The following JAZF1 variants were observed in gnomAD, a reference collection of about 807,000 sequenced individuals.
JAZF1 encodes JAZF zinc finger 1, also known as juxtaposed with another zinc finger protein 1.
Under a neutral mutation model 26.4 loss-of-function variants are expected in JAZF1, and 8 were observed. That is an observed-to-expected ratio of 0.30 (90% CI 0.18 to 0.55). JAZF1 has a LOEUF of 0.55. Among genes scored for constraint, JAZF1 ranks in the 20% least tolerant of loss-of-function variants. JAZF1 has a pLI of 0.94. For synonymous variants in JAZF1, 126 were observed against 122.3 expected (o/e 1.03, Z -0.20); for missense variants, 199 against 322.0 (o/e 0.62, Z 2.92).
At chr7:28,017,259 G>A (rs1782910377) in intron 1 of JAZF1, among the ~76,000 whole-genome samples, 1 of 150,826 alleles carries the variant, frequency 6.6e-6, no homozygotes, top group Non-Finnish European at 1.5e-5. Flanking sequence ...GCTAAGGCAG[G>A]AGAATTGCTT....
At chr7:27,971,143 T>C (rs1328876431) in intron 2 of JAZF1, among the ~76,000 whole-genome samples, 3 of 152,230 alleles carry the variant, frequency 2.0e-5, no homozygotes, top group Admixed American at 2.0e-4. Context: ...TTATTTTTGG[T>C]ATTTCAAGGA....
chr7:27,987,961 T>C (rs1785766793), intron 2 of JAZF1, among the ~76,000 whole-genome samples: 1 of 152,188 alleles, frequency 6.6e-6, no homozygotes, highest in African/African-American at 2.4e-5. Flanking sequence ...GTGCAAGATG[T>C]GCTTTGTTAA....
chr7:27,909,002 T>TATTCATTCATTCATTC (rs71555720), intron 2 of JAZF1, among the ~76,000 whole-genome samples: 3,307 of 151,140 alleles, frequency 0.022, 73 homozygotes, highest in African/African-American at 0.052. Context: ...ACTTGAATAA[T>TATTCATTCATTCATTC]ATTCATTCAT....
At chr7:28,124,921 T>G (rs908581287) in intron 1 of JAZF1, among the ~76,000 whole-genome samples, 1 of 152,158 alleles carries the variant, frequency 6.6e-6, no homozygotes, top group East Asian at 1.9e-4. Flanking sequence ...AAATATACTT[T>G]CTCTTTATAA....
chr7:28,042,387 T>TG (rs910812452), intron 1 of JAZF1, among the ~76,000 whole-genome samples: 9 of 152,012 alleles, frequency 5.9e-5, no homozygotes, highest in African/African-American at 2.2e-4. Context: ...GAGGGGGAGC[T>TG]GGGGGGAGTT....
At chr7:28,037,236 C>T (rs1783309983) in intron 1 of JAZF1, among the ~76,000 whole-genome samples, 1 of 152,186 alleles carries the variant, frequency 6.6e-6, no homozygotes, top group African/African-American at 2.4e-5. Flanking sequence ...GATACAGAAG[C>T]AGAGGAATTT....
chr7:27,862,915 C>T (rs1393200340), intron 3 of JAZF1, among the ~76,000 whole-genome samples: 1 of 152,196 alleles, frequency 6.6e-6, no homozygotes, highest in Non-Finnish European at 1.5e-5. Context: ...ATTACTCCTG[C>T]CCTAAGACAT....
intron 1 of JAZF1, among the ~76,000 whole-genome samples, chr7:28,006,009 C>G (rs1020124348): frequency 2.6e-5 from 4 of 152,082 alleles, no homozygotes; most frequent in Non-Finnish European, 4.4e-5. Flanking sequence ...ACTCATGGCT[C>G]CTACACATGA....
chr7:27,902,185 A>G (rs1784174055), intron 2 of JAZF1, among the ~76,000 whole-genome samples: 1 of 152,236 alleles, frequency 6.6e-6, no homozygotes, highest in Non-Finnish European at 1.5e-5. Flanking sequence ...GCTGCCCCAG[A>G]CCCTAATGGG....
At chr7:28,144,281 A>C (rs1782995498) in intron 1 of JAZF1, among the ~76,000 whole-genome samples, 1 of 152,248 alleles carries the variant, frequency 6.6e-6, no homozygotes, top group African/African-American at 2.4e-5. Context: ...GATCTCCAAA[A>C]GGTTGACATA....
intron 2 of JAZF1, among the ~76,000 whole-genome samples, chr7:27,927,886 AT>A (rs1282437690): frequency 6.6e-6 from 1 of 152,156 alleles, no homozygotes; most frequent in East Asian, 1.9e-4. Context: ...CCCCAAATCA[AT>A]TTTCAGGAAC....
At chr7:28,024,299 A>G (rs977174283) in intron 1 of JAZF1, among the ~76,000 whole-genome samples, 10 of 151,500 alleles carry the variant, frequency 6.6e-5, no homozygotes, top group African/African-American at 2.4e-4. Context: ...TGTCACAAAA[A>G]GAAAAACAAA....
At chr7:28,070,162 G>A (rs1226246924) in intron 1 of JAZF1, among the ~76,000 whole-genome samples, 3 of 152,100 alleles carry the variant, frequency 2.0e-5, no homozygotes, top group African/African-American at 7.2e-5. Context: ...TTATTTTCAA[G>A]CAATTAAAAC....
intron 3 of JAZF1, among the ~76,000 whole-genome samples, chr7:27,871,065 C>T (rs182919123): frequency 2.0e-5 from 3 of 152,206 alleles, no homozygotes; most frequent in African/African-American, 4.8e-5. Context: ...TCTCTTAAAC[C>T]GTCATTGTAA....
Position 28,170,843 on chromosome 7 carries a change from C to T in JAZF1, c.115+9620G>A, listed in dbSNP as rs112399254. 3.7e-3 allele frequency among the ~76,000 whole-genome samples: 559 copies of T among 152,292 alleles called. 1 individual carries two copies. The highest frequency in any genetic ancestry group is 0.01 in the Middle Eastern group (3 of 294). On this transcript the variant is annotated intron_variant, in intron 1 of 4. Transcript: ENST00000283928. ...AGAGCAAGCACTGAGTATATGGGCA[C>T]ACCTGGCAGCAAAGCCGGCCCTGGC...
rs762560059 is a variant in JAZF1, at chr7:27,840,877, A to G, written c.386-10T>C. On this transcript the variant is annotated splice_polypyrimidine_tract_variant and intron_variant, in intron 3 of 4. Transcript: ENST00000283928. This position sits in a 1 kb window ranked among gnomAD's most constrained non-coding sequence, Gnocchi z 5.1. ...TCGTCATACTCGCTGCCTGCAGGAC[A>G]AGAGAAGTGCAAGGACTGTCAGGAG... 2 of 1,613,482 alleles carry G rather than the reference A, an allele frequency of 1.2e-6. No individual in the cohort carries two copies. The highest frequency in any genetic ancestry group is 1.3e-5 in the African/African-American group (1 of 74,880).
At chr7:28,012,428 C>CT (rs1379399393) in intron 1 of JAZF1, among the ~76,000 whole-genome samples, 2 of 152,146 alleles carry the variant, frequency 1.3e-5, no homozygotes, top group Admixed American at 6.6e-5. Flanking sequence ...AGTAAACACT[C>CT]TTTTTTTCTT....
chr7:27,966,823 G>A (rs17156099), intron 2 of JAZF1, among the ~76,000 whole-genome samples: 1 of 152,048 alleles, frequency 6.6e-6, no homozygotes, highest in African/African-American at 2.4e-5. Context: ...TCCTTTAAAG[G>A]TGTGAGATTC....
chr7:27,984,733 C>G (rs1018373067), intron 2 of JAZF1, among the ~76,000 whole-genome samples: 7 of 152,170 alleles, frequency 4.6e-5, no homozygotes, highest in African/African-American at 1.4e-4. Flanking sequence ...CGTAAAAGAA[C>G]AGAAATTATA....
Sources: allele counts gnomAD v4.1 joint callset (sites outside exome capture counted in the v4.1 genomes callset), GRCh38; gene constraint gnomAD v4.1.1; non-coding constraint Gnocchi (gnomAD v3.1); transcripts MANE v1.5; gene names NCBI Gene and HGNC (gene_info 2026-07-23, HGNC 2026-07-21).